ZNG1A: variants seen among roughly 807,000 people sequenced by gnomAD.
ZNG1A encodes the protein zinc-regulated GTPase metalloprotein activator 1A.
chr9:169,752 T>C, the ZNG1A span, among the ~76,000 whole-genome samples: 9 of 150,804 alleles, frequency 6.0e-5, no homozygotes, highest in Non-Finnish European at 1.2e-4. Context: ...GCTGAGATGA[T>C]TGTTAGCATT....
chr9:140,188 G>A, the ZNG1A span, among the ~76,000 whole-genome samples: 37 of 151,720 alleles, frequency 2.4e-4, 1 homozygote, highest in African/African-American at 8.7e-4. Context: ...GCCTGCCTCT[G>A]TAGGCTCCAC....
At chr9:139,125 C>T in the ZNG1A span, among the ~76,000 whole-genome samples, 2 of 147,414 alleles carry the variant, frequency 1.4e-5, no homozygotes, top group Non-Finnish European at 3.0e-5. Flanking sequence ...AGTTAAATGT[C>T]CACTAACAGA....
At chr9:131,448 A>G in the ZNG1A span, among the ~76,000 whole-genome samples, 1 of 150,146 alleles carries the variant, frequency 6.7e-6, no homozygotes, top group East Asian at 1.9e-4. Context: ...TTCATCCAGA[A>G]CACTAAGCCC....
chr9:121,468 T>C, the ZNG1A span: 5 of 1,611,206 alleles, frequency 3.1e-6, no homozygotes. Context: ...CCTCTAGTGT[T>C]ATGTACAAAC....
At chr9:144,388 G>C in the ZNG1A span, among the ~76,000 whole-genome samples, 2 of 149,160 alleles carry the variant, frequency 1.3e-5, no homozygotes, top group African/African-American at 5.0e-5. Flanking sequence ...CAGAAATAAC[G>C]CCGCATATCT....
chr9:146,236 C>G, the ZNG1A span: 14 of 1,574,264 alleles, frequency 8.9e-6, no homozygotes, highest in African/African-American at 1.6e-4. Flanking sequence ...AAAACTCTGA[C>G]TTAAAAAATT....
the ZNG1A span, among the ~76,000 whole-genome samples, chr9:174,552 T>C: frequency 2.0e-5 from 3 of 151,924 alleles, no homozygotes; most frequent in Non-Finnish European, 4.4e-5. Context: ...CAGTGTGCAA[T>C]AGGTTATTTA....
At chr9:142,786 T>C in the ZNG1A span, among the ~76,000 whole-genome samples, 2 of 142,656 alleles carry the variant, frequency 1.4e-5, no homozygotes, top group Admixed American at 7.1e-5. Flanking sequence ...ACAAAATTGA[T>C]AGACCGCTAG....
chr9:160,376 T>A, the ZNG1A span, among the ~76,000 whole-genome samples: 12 of 152,104 alleles, frequency 7.9e-5, no homozygotes, highest in African/African-American at 2.4e-4. Flanking sequence ...AAGCAGCTAC[T>A]GAGGTCAAGC....
chr9:152,533 C>A, the ZNG1A span, among the ~76,000 whole-genome samples: 1 of 151,614 alleles, frequency 6.6e-6, no homozygotes, highest in African/African-American at 2.4e-5. Context: ...GCTTTGCCCC[C>A]AGCCTGTCCT....
At chr9:176,918 G>A in the ZNG1A span, among the ~76,000 whole-genome samples, 1 of 152,086 alleles carries the variant, frequency 6.6e-6, no homozygotes, top group Non-Finnish European at 1.5e-5. Context: ...CTGGGCCTTG[G>A]TGAAAAAGTG....
the ZNG1A span, among the ~76,000 whole-genome samples, chr9:142,598 C>A: frequency 1.2e-5 from 1 of 82,374 alleles, no homozygotes; most frequent in Non-Finnish European, 2.2e-5. Flanking sequence ...CAGGAAAGAT[C>A]CAAAATTGAC....
the ZNG1A span, chr9:172,772 A>C: frequency 6.2e-6 from 1 of 162,376 alleles, no homozygotes; most frequent in African/African-American, 2.5e-5. Context: ...TTAACAGTAC[A>C]AGTAGTCATT....
the ZNG1A span, chr9:156,538 A>C: frequency 1.3e-6 from 2 of 1,595,790 alleles, no homozygotes; most frequent in African/African-American, 2.7e-5. Context: ...CTAAACAAAA[A>C]AAAGTTGGAA....
chr9:172,478 A>C, the ZNG1A span: 1 of 250,378 alleles, frequency 4.0e-6, no homozygotes, highest in South Asian at 6.9e-5. Context: ...AAAAACCAAC[A>C]TACAAAATAA....
At chr9:177,697 T>A in the ZNG1A span, 1 of 1,397,632 alleles carries the variant, frequency 7.2e-7, no homozygotes, top group Non-Finnish European at 9.8e-7. Flanking sequence ...CTTCAGATCA[T>A]TTTCTCCAGT....
chr9:173,786 C>A, the ZNG1A span, among the ~76,000 whole-genome samples: 10 of 152,064 alleles, frequency 6.6e-5, no homozygotes, highest in Non-Finnish European at 1.5e-5. Context: ...TTTCATTCTT[C>A]TTCTAAATTG....
the ZNG1A span, among the ~76,000 whole-genome samples, chr9:139,537 A>C: frequency 6.6e-6 from 1 of 152,090 alleles, no homozygotes; most frequent in Admixed American, 6.5e-5. Flanking sequence ...TACAATAAAA[A>C]AAAGAAAAAG....
chr9:177,780 A>T, the ZNG1A span: 2 of 1,537,424 alleles, frequency 1.3e-6, no homozygotes, highest in East Asian at 2.5e-5. Context: ...GTTTTGGACA[A>T]GAAATTTGTT....
Sources: allele counts gnomAD v4.1 joint callset (sites outside exome capture counted in the v4.1 genomes callset), GRCh38; gene constraint gnomAD v4.1.1; transcripts MANE v1.5; gene names NCBI Gene and HGNC (gene_info 2026-07-23, HGNC 2026-07-21).